Variants in TRA2B observed in about 807,000 individuals in gnomAD.
TRA2B encodes transformer-2 protein homolog beta.
TRA2B carries 14 observed loss-of-function variants against 41.7 expected under a neutral mutation model. The observed-to-expected ratio is 0.34, with a 90% CI of 0.22 to 0.53. TRA2B has a LOEUF of 0.53. Among genes scored for constraint, TRA2B ranks in the 20% least tolerant of loss-of-function variants. TRA2B has a pLI of 0.95. For missense variants in TRA2B, 167 were observed against 396.8 expected (o/e 0.42, Z 4.92); for synonymous variants, 130 against 128.8 (o/e 1.01, Z -0.06).
intron 1 of TRA2B, chr3:185,936,518 G>C: frequency 1.0e-6 from 1 of 985,354 alleles, no homozygotes; most frequent in South Asian, 4.7e-5. Context: ...GGAAACTCAC[G>C]CTTCATCACT....
chr3:185,923,593 T>C, intron 4 of TRA2B: 1 of 427,000 alleles, frequency 2.3e-6, no homozygotes, highest in Non-Finnish European at 4.1e-6. Flanking sequence ...AGGTGGCAAC[T>C]AATAAAGCAG....
In TRA2B at chr3:185,917,633, CT is replaced by C; in HGVS notation, c.*81del. The C allele has an allele frequency of 2.6e-6, 4 of 1,521,702 alleles. No homozygotes were observed. The highest frequency in any genetic ancestry group is 3.6e-6 in the Non-Finnish European group (4 of 1,103,408). 94.3% of individuals were successfully genotyped at this position (1,521,702 alleles called of 1,614,324 possible). On this transcript the variant is annotated 3_prime_UTR_variant, in exon 9 of 9. Transcript: ENST00000453386. Reference sequence around the variant, plus strand: ...ACCTAACTTCACTAGGCACTGTTCACTTTTTAAACAAGAGACAATAAAAAAT... The same window carrying C: ...ACCTAACTTCACTAGGCACTGTTCACTTTTAAACAAGAGACAATAAAAAAT...
Position 185,936,785 on chromosome 3 carries a change from CG to C in TRA2B, c.36+1039del, listed in dbSNP as rs556350928. 779 of 985,224 alleles carry C rather than the reference CG, an allele frequency of 7.9e-4. 5 individuals are homozygous for C. In the African/African-American group the frequency reaches 0.011, roughly 14 times the overall value. The allele number at this position is 985,224 out of a possible 1,614,324, so 61.0% of individuals were successfully genotyped here. A position where few individuals can be genotyped will look rare whatever the true frequency, so the allele number is the denominator to read the frequency against. ...GATTCCTCTTAATTCTAGCAAGCCTCGTATGTTCGCATCATTCAATGCTTTC... is the reference window on the plus strand; with the variant it reads ...GATTCCTCTTAATTCTAGCAAGCCTCTATGTTCGCATCATTCAATGCTTTC... On this transcript the variant is annotated intron_variant, in intron 1 of 8. Transcript: ENST00000453386.
At chr3:185,932,350 A>G (rs1015901906) in intron 1 of TRA2B, among the ~76,000 whole-genome samples, 2 of 152,248 alleles carry the variant, frequency 1.3e-5, no homozygotes, top group East Asian at 3.9e-4. Context: ...AGCGTCACAC[A>G]TTTTTGTACT....
At chr3:185,932,157 TTATTA>T (rs1289666422) in intron 1 of TRA2B, among the ~76,000 whole-genome samples, 1 of 152,108 alleles carries the variant, frequency 6.6e-6, no homozygotes, top group Non-Finnish European at 1.5e-5. Context: ...TTCACACTTC[TTATTA>T]TATTCAATAG....
intron 1 of TRA2B, among the ~76,000 whole-genome samples, chr3:185,929,799 A>T (rs1288139870): frequency 6.6e-6 from 1 of 152,192 alleles, no homozygotes; most frequent in East Asian, 1.9e-4. Flanking sequence ...TGTTTATCAT[A>T]CTAGTTAAGT....
intron 1 of TRA2B, among the ~76,000 whole-genome samples, chr3:185,932,162 A>G (rs948038189): frequency 1.8e-4 from 27 of 152,308 alleles, no homozygotes; most frequent in African/African-American, 6.0e-4. Context: ...ACTTCTTATT[A>G]TATTCAATAG....
rs138994557 is a variant in TRA2B, at chr3:185,914,790, T to C, written c.*2925A>G. ...CTGCTAATAAATCCAGCCTAATCCA[T>C]CCTCAAAATTTCCATATAATTTACA... On this transcript the variant is annotated 3_prime_UTR_variant, in exon 9 of 9. Transcript: ENST00000453386. Among the ~76,000 whole-genome samples, 323 of 152,014 alleles carry C rather than the reference T, an allele frequency of 2.1e-3. No homozygotes were observed. The highest frequency in any genetic ancestry group is 7.5e-3 in the African/African-American group (310 of 41,466).
chr3:185,934,937 T>A, intron 1 of TRA2B: 1 of 985,454 alleles, frequency 1.0e-6, no homozygotes, highest in Non-Finnish European at 1.2e-6. Flanking sequence ...ATCTGGTCCA[T>A]ACATCAGTGT....
intron 1 of TRA2B, 125 bp downstream of exon 1, chr3:185,937,700 T>G (rs1488398944): frequency 5.9e-6 from 8 of 1,362,026 alleles, no homozygotes; most frequent in Non-Finnish European, 8.3e-6. Context: ...CTCCCTTGCC[T>G]GCCCTCCCGG....
intron 1 of TRA2B, chr3:185,935,758 G>T (rs984264159): frequency 2.0e-6 from 2 of 985,406 alleles, no homozygotes; most frequent in Non-Finnish European, 2.4e-6. Context: ...GCCTAGACAC[G>T]TGTTTGATTC....
intron 1 of TRA2B, chr3:185,934,849 T>G: frequency 1.0e-6 from 1 of 985,446 alleles, no homozygotes; most frequent in Non-Finnish European, 1.2e-6. Context: ...GTGCCTATGT[T>G]GCAATCACAT....
Position 185,938,013 on chromosome 3 carries a change from C to T in TRA2B, c.-153G>A, listed in dbSNP as rs553890889. ...GCTCCGCACCGCCTCCGCACGGGCTCTAACTCTACCGGATGTGACGCGGCG... is the reference window on the plus strand; with the variant it reads ...GCTCCGCACCGCCTCCGCACGGGCTTTAACTCTACCGGATGTGACGCGGCG... On this transcript the variant is annotated 5_prime_UTR_variant, in exon 1 of 9. Coordinates refer to ENST00000453386, the MANE Select transcript of TRA2B (RefSeq NM_004593.3). 1.4e-4 allele frequency: 111 copies of T among 814,436 alleles called. 1 individual carries two copies. Among genetic ancestry groups the T allele is most frequent in the Middle Eastern group, 6.6e-4 (2 of 3,046 alleles). The allele number at this position is 814,436 out of a possible 1,614,324, so 50.5% of individuals were successfully genotyped here.
intron 1 of TRA2B, chr3:185,934,915 A>G: frequency 1.0e-6 from 1 of 985,308 alleles, no homozygotes; most frequent in Non-Finnish European, 1.2e-6. Context: ...GGGTCAAAAC[A>G]TTTTCTTTAA....
intron 7 of TRA2B, among the ~76,000 whole-genome samples, chr3:185,918,731 G>A (rs937620299): frequency 6.6e-6 from 1 of 152,068 alleles, no homozygotes; most frequent in East Asian, 1.9e-4. Flanking sequence ...TTCCTGGCTG[G>A]GTGCGGTGGC....
intron 1 of TRA2B, chr3:185,937,202 G>A: frequency 1.0e-6 from 1 of 985,608 alleles, no homozygotes; most frequent in Non-Finnish European, 1.2e-6. Flanking sequence ...TCCACCTAAC[G>A]GGCCCAGAAC....
intron 1 of TRA2B, chr3:185,936,621 CAT>C: frequency 1.0e-6 from 1 of 984,756 alleles, no homozygotes; most frequent in Non-Finnish European, 1.2e-6. Context: ...CCTGATAAAT[CAT>C]ATTCAGATCT....
rs1303215368 is a variant in TRA2B, at chr3:185,921,236, G to A, written c.639-49C>T. 3 of 1,532,952 alleles carry A rather than the reference G, an allele frequency of 2.0e-6. No homozygotes were observed. The South Asian group carries it at 3.4e-5, about 17-fold the overall frequency. The allele number at this position is 1,532,952 out of a possible 1,614,324, so 95.0% of individuals were successfully genotyped here. ...TGACCTCCCTTATCTTTCTGGACAT[G>A]AGTTTTTATATCTACTAGTAGGCCT... On this transcript the variant is annotated intron_variant, in intron 5 of 8. Coordinates refer to ENST00000453386, the MANE Select transcript of TRA2B (RefSeq NM_004593.3).
chr3:185,920,823 C>G (rs1246425159), intron 6 of TRA2B, among the ~76,000 whole-genome samples: 1 of 152,140 alleles, frequency 6.6e-6, no homozygotes, highest in Non-Finnish European at 1.5e-5. Context: ...GCTACTGCGC[C>G]TGGCCTCATT....
Sources: gnomAD v4.1 joint callset for allele counts (sites outside exome capture counted in the v4.1 genomes callset) on GRCh38, gnomAD v4.1.1 for gene constraint, MANE v1.5 for transcripts, NCBI Gene and HGNC (gene_info 2026-07-23, HGNC 2026-07-21) for gene names.